The following CSMD1 variants were observed in gnomAD, a reference collection of about 807,000 sequenced individuals.
CSMD1 encodes the protein CUB and sushi domain-containing protein 1.
In CSMD1, 213 loss-of-function variants were observed where a neutral mutation model predicts 417.5. That is an observed-to-expected ratio of 0.51 (90% confidence interval 0.46 to 0.57). The LOEUF (loss-of-function observed/expected upper bound fraction) is 0.57. Ranked by LOEUF, CSMD1 falls within the 20% of genes least tolerant of loss-of-function variation. The pLI is 0.00. For synonymous variants in CSMD1, 2,862 were observed against 1,736.8 expected, an observed-to-expected ratio of 1.65 and a Z score of -16.11; for missense variants, 6,923 against 4,529.7, an observed-to-expected ratio of 1.53 and a Z score of -15.17.
At chr8:4,363,463 T>C (rs1801892687) in intron 3 of CSMD1, among the ~76,000 whole-genome samples, 1 of 152,174 alleles carries the variant, frequency 6.6e-6, no homozygotes, top group South Asian at 2.1e-4. Flanking sequence ...CAGCTCTATC[T>C]TCCCCACCAC....
At chr8:3,171,230 CTG>C (rs1016445254) in intron 37 of CSMD1, among the ~76,000 whole-genome samples, 8 of 152,170 alleles carry the variant, frequency 5.3e-5, no homozygotes, top group African/African-American at 1.7e-4. Flanking sequence ...TCCTGGTGAA[CTG>C]TGATAGAAGC....
At chr8:3,414,833 C>T (rs1372384496) in intron 12 of CSMD1, among the ~76,000 whole-genome samples, 1 of 152,198 alleles carries the variant, frequency 6.6e-6, no homozygotes, top group Admixed American at 6.5e-5. Context: ...CCTCTGTTGT[C>T]TTATTTAACC....
intron 6 of CSMD1, among the ~76,000 whole-genome samples, chr8:3,715,117 G>A (rs112517507): frequency 6.6e-6 from 1 of 152,126 alleles, no homozygotes; most frequent in Admixed American, 6.5e-5. Flanking sequence ...CACTGAGGAA[G>A]AGTCATCGAA....
chr8:4,280,197 C>T (rs773090167), intron 3 of CSMD1, among the ~76,000 whole-genome samples: 1 of 152,166 alleles, frequency 6.6e-6, no homozygotes, highest in African/African-American at 2.4e-5. Context: ...ATTTCTTAAG[C>T]AAGCATAGGC....
intron 5 of CSMD1, among the ~76,000 whole-genome samples, chr8:3,925,532 G>T: frequency 6.6e-6 from 1 of 152,182 alleles, no homozygotes. Context: ...AAAACTTCCA[G>T]AATTCCCAGG....
chr8:4,269,229 G>A (rs759797886), intron 3 of CSMD1, among the ~76,000 whole-genome samples: 3 of 152,038 alleles, frequency 2.0e-5, no homozygotes, highest in Admixed American at 6.6e-5. Context: ...GCTAATTTTT[G>A]TATATTTAGC....
intron 1 of CSMD1, among the ~76,000 whole-genome samples, chr8:4,892,174 G>T (rs915446476): frequency 3.3e-5 from 5 of 152,036 alleles, no homozygotes; most frequent in African/African-American, 1.2e-4. Flanking sequence ...TTTCATTAAG[G>T]CATAATTGAA....
chr8:4,954,796 G>C (rs1013129568), intron 1 of CSMD1, among the ~76,000 whole-genome samples: 2 of 152,052 alleles, frequency 1.3e-5, no homozygotes, highest in Non-Finnish European at 2.9e-5. Flanking sequence ...TTCCATACTT[G>C]ACTTTAAGAA....
intron 3 of CSMD1, among the ~76,000 whole-genome samples, chr8:4,174,337 T>C (rs964710374): frequency 6.6e-6 from 1 of 152,158 alleles, no homozygotes; most frequent in African/African-American, 2.4e-5. Flanking sequence ...ATTCCCGTTT[T>C]ACAGATTAAA....
At chr8:3,119,682 C>T (rs1350908181) in intron 41 of CSMD1, among the ~76,000 whole-genome samples, 1 of 152,190 alleles carries the variant, frequency 6.6e-6, no homozygotes, top group Non-Finnish European at 1.5e-5. Flanking sequence ...GTACTCAATG[C>T]AGTAGAAGCC....
intron 1 of CSMD1, among the ~76,000 whole-genome samples, chr8:4,638,339 C>G (rs1802972378): frequency 6.6e-6 from 1 of 152,114 alleles, no homozygotes; most frequent in Non-Finnish European, 1.5e-5. Context: ...TAGAAAAAAA[C>G]AAGGTCAATA....
chr8:3,513,460 G>A (rs1797162247), intron 10 of CSMD1, among the ~76,000 whole-genome samples: 1 of 151,810 alleles, frequency 6.6e-6, no homozygotes, highest in Admixed American at 6.6e-5. Context: ...TGAATAGCTG[G>A]GATTACAGGC....
chr8:4,186,172 G>C (rs1305590499), intron 3 of CSMD1, among the ~76,000 whole-genome samples: 2 of 152,114 alleles, frequency 1.3e-5, no homozygotes, highest in Non-Finnish European at 2.9e-5. Context: ...AAGCAGTCAA[G>C]GTGCCCTGAA....
chr8:4,041,795 A>G (rs530504708), intron 3 of CSMD1, among the ~76,000 whole-genome samples: 2 of 152,278 alleles, frequency 1.3e-5, no homozygotes, highest in South Asian at 4.2e-4. Context: ...ATATTAAAAA[A>G]CAAACAAACA....
intron 1 of CSMD1, among the ~76,000 whole-genome samples, chr8:4,762,044 G>T (rs568416615): frequency 8.6e-5 from 13 of 152,030 alleles, no homozygotes; most frequent in African/African-American, 2.9e-4. Context: ...TCAGGATACT[G>T]ATTAAGACCA....
chr8:4,135,086 A>T (rs1178496062), intron 3 of CSMD1, among the ~76,000 whole-genome samples: 3 of 152,098 alleles, frequency 2.0e-5, no homozygotes, highest in Admixed American at 6.6e-5. Context: ...AATGAAAAAA[A>T]ATTCTTCCAT....
At chr8:3,865,677 C>A (rs1189178873) in intron 5 of CSMD1, among the ~76,000 whole-genome samples, 1 of 152,140 alleles carries the variant, frequency 6.6e-6, no homozygotes. Context: ...AAGTACCAGG[C>A]ACTGTTCTAG....
At position 3,052,771 on chromosome 8, in the gene CSMD1, CT is replaced by C. The variant is rs1021532094; in HGVS notation, c.7475-125del. On this transcript the variant is annotated intron_variant, in intron 49 of 69. Transcript: ENST00000635120. ...TTCATTAAAATTGTGAATTATATTT[CT>C]TTTTTTTTCTTTCTTTTTTTTTTCT... The C allele has an allele frequency of 1.6e-4, 92 of 586,990 alleles. 1 individual carries two copies. The highest frequency in any genetic ancestry group is 9.3e-4 in the African/African-American group (37 of 39,838). The allele number at this position is 586,990 out of a possible 1,614,324, so 36.4% of individuals were successfully genotyped here. A position where few individuals can be genotyped will look rare whatever the true frequency, so the allele number is the denominator to read the frequency against.
rs1181754479 is a variant in CSMD1 at position 3,571,956 on chromosome 8, C to T, written c.1344+2989G>A. Among the ~76,000 whole-genome samples, 6 of 152,134 alleles carry T rather than the reference C, an allele frequency of 3.9e-5. No homozygotes were observed. The South Asian group carries it at 1.0e-3, about 26-fold the overall frequency. On this transcript the variant is annotated intron_variant, in intron 10 of 69. Transcript: ENST00000635120. ...GTTACTGCGTGTTCAAGTTCGTCTC[C>T]TCGTGGATCCCCCTAAAGCGCAGCC...
Sources: allele counts gnomAD v4.1 joint callset (sites outside exome capture counted in the v4.1 genomes callset), GRCh38; gene constraint gnomAD v4.1.1; transcripts MANE v1.5; gene names NCBI Gene and HGNC (gene_info 2026-07-23, HGNC 2026-07-21).